Variants in RNF121 observed in about 807,000 individuals in gnomAD.
RNF121 encodes E3 ubiquitin ligase RNF121.
Under a neutral mutation model 46.5 loss-of-function variants are expected in RNF121, and 21 were observed. The observed-to-expected ratio is 0.45, with a 90% CI of 0.32 to 0.65. The LOEUF (loss-of-function observed/expected upper bound fraction) is 0.65, where lower values mean the gene tolerates loss of function less well. Ranked by LOEUF, RNF121 falls within the 30% of genes least tolerant of loss-of-function variation. The pLI is 0.04. For synonymous variants in RNF121, 139 were observed against 144.7 expected (o/e 0.96, Z 0.28); for missense variants, 346 against 416.0 (o/e 0.83, Z 1.46).
At chr11:71,992,593 G>A (rs1202611737) in intron 6 of RNF121, among the ~76,000 whole-genome samples, 1 of 152,132 alleles carries the variant, frequency 6.6e-6, no homozygotes, top group Non-Finnish European at 1.5e-5. Context: ...AGTGAAGTGA[G>A]GACATACTGT....
At position 71,990,663 on chromosome 11, in the gene RNF121, T is replaced by G; in HGVS notation, c.573T>G (p.Val191=). The change falls in exon 6 of 9, where the codon GTT becomes GTG. Residue 191 remains valine, a synonymous_variant. Transcript: ENST00000361756. Reference sequence around the variant, plus strand: ...TCTTCTATGGCCTCTACTATGGAGTTCTGGAACGGGACTTTGCAGAAATGT... The same window carrying G: ...TCTTCTATGGCCTCTACTATGGAGTGCTGGAACGGGACTTTGCAGAAATGT... ...SLLFYGLYYG[V]LERDFAEMCA... 6.2e-7 allele frequency: 1 copy of G among 1,614,224 alleles called. No homozygotes were observed. Among genetic ancestry groups the G allele is most frequent in the Non-Finnish European group, 8.5e-7 (1 of 1,180,034 alleles).
chr11:71,982,486 AAG>A (rs1337161329), intron 3 of RNF121, among the ~76,000 whole-genome samples: 8 of 152,160 alleles, frequency 5.3e-5, no homozygotes, highest in African/African-American at 1.9e-4. Flanking sequence ...GAGACTAAGA[AAG>A]AGCTCATTGC....
intron 3 of RNF121, among the ~76,000 whole-genome samples, chr11:71,971,152 G>C (rs1380876653): frequency 1.3e-5 from 2 of 152,178 alleles, no homozygotes; most frequent in East Asian, 1.9e-4. Context: ...GGGAGGCTGA[G>C]GGGGGCAGAT....
At chr11:71,975,027 G>A (rs1954500588) in intron 3 of RNF121, among the ~76,000 whole-genome samples, 1 of 152,096 alleles carries the variant, frequency 6.6e-6, no homozygotes. Context: ...AGTTCTCCAG[G>A]GAGAAGCTTT....
intron 6 of RNF121, 137 bp from the exon 7 acceptor site, chr11:71,994,582 A>C (rs988523135): frequency 6.2e-6 from 6 of 967,396 alleles, no homozygotes; most frequent in East Asian, 2.4e-5. Context: ...TTTAAAAAAA[A>C]AAAGATGTCC....
intron 3 of RNF121, among the ~76,000 whole-genome samples, chr11:71,976,960 TC>T (rs1458871117): frequency 6.6e-6 from 1 of 152,188 alleles, no homozygotes; most frequent in Non-Finnish European, 1.5e-5. Flanking sequence ...TCCCTTTCCC[TC>T]CCCACAAGCT....
Position 71,929,053 on chromosome 11 carries a change from G to C in RNF121, c.-9G>C. 3 of 1,551,268 alleles carry C rather than the reference G, an allele frequency of 1.9e-6. No homozygotes were observed. The highest frequency in any genetic ancestry group is 2.6e-6 in the Non-Finnish European group (3 of 1,146,992). On this transcript the variant is annotated 5_prime_UTR_variant, in exon 1 of 9. Transcript: ENST00000361756. ...CGCGGGGACTGCGGTGAGGGGGCGA[G>C]CCGTGAAGATGGCGGCAGTGGTGGA... is the stretch of plus-strand genomic sequence containing the variant.
chr11:71,960,874 C>T lies in RNF121; in HGVS notation c.226C>T (p.His76Tyr). The change falls in exon 3 of 9, where the codon CAC becomes TAC. Residue 76 changes from histidine to tyrosine, a missense_variant. His to Tyr is a moderately conservative substitution (Grantham distance 83). Transcript: ENST00000361756. ...GCTCCTGGTGCAGTGGAAGCAGAGGCACCCACGCTCCTACAATGTAAGCCA... is the reference window on the plus strand; with the variant it reads ...GCTCCTGGTGCAGTGGAAGCAGAGGTACCCACGCTCCTACAATGTAAGCCA... Reference protein sequence around the residue: ...QLLLVQWKQRHPRSYNMVTLF... With the variant: ...QLLLVQWKQRYPRSYNMVTLF... 1 of 1,613,974 alleles carries T rather than the reference C, an allele frequency of 6.2e-7. No homozygotes were observed. The highest frequency in any genetic ancestry group is 8.5e-7 in the Non-Finnish European group (1 of 1,179,948).
intron 3 of RNF121, among the ~76,000 whole-genome samples, chr11:71,962,967 G>A (rs1954174076): frequency 6.6e-6 from 1 of 152,122 alleles, no homozygotes; most frequent in Admixed American, 6.5e-5. Flanking sequence ...GACTAATGAT[G>A]TTGGGCATCT....
At chr11:71,932,584 G>C (rs1004668995) in intron 1 of RNF121, among the ~76,000 whole-genome samples, 8 of 152,222 alleles carry the variant, frequency 5.3e-5, no homozygotes, top group Non-Finnish European at 1.0e-4. Flanking sequence ...TCTCACATTT[G>C]TGAGGAAGGT....
At position 71,990,633 on chromosome 11, in the gene RNF121, C is replaced by T; in HGVS notation, c.543C>T (p.Ser181=). Residue 181 remains serine (S), a synonymous_variant, in exon 6 of 9, where the codon TCC becomes TCT. Coordinates refer to ENST00000361756, the MANE Select transcript of RNF121 (RefSeq NM_018320.5). The part of the protein sequence containing the change: ...KPEDAMDFGI[S]LLFYGLYYGV... ...AAGATGCCATGGACTTTGGCATCTC[C>T]CTTCTCTTCTATGGCCTCTACTATG... 6.2e-7 allele frequency: 1 copy of T among 1,613,764 alleles called. No homozygotes were observed. Among genetic ancestry groups the T allele is most frequent in the Non-Finnish European group, 8.5e-7 (1 of 1,179,674 alleles).
intron 3 of RNF121, 91 bp downstream of exon 3, chr11:71,960,982 G>A: frequency 7.1e-7 from 1 of 1,408,766 alleles, no homozygotes; most frequent in Non-Finnish European, 9.7e-7. Context: ...CAGGCCACAT[G>A]GAGGTGGAGA....
chr11:71,967,718 G>A (rs1288028060), intron 3 of RNF121, among the ~76,000 whole-genome samples: 3 of 152,026 alleles, frequency 2.0e-5, no homozygotes, highest in African/African-American at 7.2e-5. Flanking sequence ...ACTGTGCCTG[G>A]CGGTAATAAT....
At chr11:71,952,681 T>C (rs551683957) in intron 1 of RNF121, among the ~76,000 whole-genome samples, 1 of 152,200 alleles carries the variant, frequency 6.6e-6, no homozygotes, top group East Asian at 1.9e-4. Context: ...TGGTGGCGCA[T>C]GCCTGTAATC....
intron 1 of RNF121, among the ~76,000 whole-genome samples, chr11:71,949,439 G>A (rs1953809753): frequency 6.6e-6 from 1 of 152,082 alleles, no homozygotes; most frequent in South Asian, 2.1e-4. Context: ...AACAGGCCAG[G>A]CATGGTGGCT....
Position 71,957,280 on chromosome 11 carries a change from C to T in RNF121, c.101+16C>T, listed in dbSNP as rs200245164. The T allele has an allele frequency of 1.6e-5, 25 of 1,562,954 alleles. No homozygotes were observed. Among genetic ancestry groups the T allele is most frequent in the East Asian group, 4.5e-5 (2 of 44,520 alleles). ...AGCAATGGAGGTAAGTGTGGTAGTTCGGGCCCTGCAGTCTAGGAACTGCAG... is the reference window on the plus strand; with the variant it reads ...AGCAATGGAGGTAAGTGTGGTAGTTTGGGCCCTGCAGTCTAGGAACTGCAG... On this transcript the variant is annotated intron_variant, in intron 2 of 8. Transcript: ENST00000361756.
At chr11:71,949,703 A>T (rs1400431202) in intron 1 of RNF121, among the ~76,000 whole-genome samples, 1 of 151,716 alleles carries the variant, frequency 6.6e-6, no homozygotes, top group African/African-American at 2.4e-5. Flanking sequence ...CCATCTCAAA[A>T]CACATGCACA....
intron 3 of RNF121, among the ~76,000 whole-genome samples, chr11:71,976,994 G>A (rs1954539195): frequency 1.3e-5 from 2 of 152,104 alleles, no homozygotes; most frequent in South Asian, 4.1e-4. Flanking sequence ...CAGTTGGGAG[G>A]TTCTTTGTGT....
At chr11:71,970,619 G>C (rs531314695) in intron 3 of RNF121, among the ~76,000 whole-genome samples, 1 of 152,084 alleles carries the variant, frequency 6.6e-6, no homozygotes, top group South Asian at 2.1e-4. Flanking sequence ...CTATGATCAC[G>C]TCACTGCACT....
Sources: allele counts gnomAD v4.1 joint callset (sites outside exome capture counted in the v4.1 genomes callset), GRCh38; gene constraint gnomAD v4.1.1; transcripts MANE v1.5; gene names NCBI Gene and HGNC (gene_info 2026-07-23, HGNC 2026-07-21).